Variants in PYY observed in about 807,000 individuals in gnomAD.
The protein encoded by PYY is peptide tyrosine tyrosine.
In PYY, 12 loss-of-function variants were observed where a neutral mutation model predicts 10.3. The ratio of observed to expected loss-of-function variants is 1.17; its 90% CI spans 0.75 to 1.89. The LOEUF (loss-of-function observed/expected upper bound fraction) is 1.89, where lower values mean the gene tolerates loss of function less well. Among genes scored for constraint, PYY ranks in the 40% most tolerant of loss-of-function variants. The pLI is 0.00. For synonymous variants in PYY, 66 were observed against 62.0 expected (o/e 1.06, Z -0.30); for missense variants, 141 against 134.0 (o/e 1.05, Z -0.26).
chr17:43,984,993 CAAAA>C (rs986890651), intron 1 of PYY, among the ~76,000 whole-genome samples: 28 of 151,984 alleles, frequency 1.8e-4, no homozygotes, highest in African/African-American at 6.3e-4. Flanking sequence ...AATATACAAA[CAAAA>C]GAAATATAAA....
intron 1 of PYY, among the ~76,000 whole-genome samples, chr17:43,998,058 C>A (rs995331467): frequency 3.7e-4 from 57 of 152,074 alleles, no homozygotes; most frequent in Non-Finnish European, 6.3e-4. Context: ...CCTGCCTTAG[C>A]CTCCTGAGAA....
chr17:43,990,026 T>C (rs150228561), intron 1 of PYY, among the ~76,000 whole-genome samples: 1 of 151,674 alleles, frequency 6.6e-6, no homozygotes, highest in Non-Finnish European at 1.5e-5. Context: ...TGCCATGTTT[T>C]ACCTGGTAAG....
chr17:43,983,870 G>T (rs1395573795), intron 1 of PYY, among the ~76,000 whole-genome samples: 1 of 152,210 alleles, frequency 6.6e-6, no homozygotes, highest in Non-Finnish European at 1.5e-5. Flanking sequence ...CGCGCGCAGG[G>T]GCCGCGTGTC....
intron 1 of PYY, among the ~76,000 whole-genome samples, chr17:43,981,681 G>A (rs944431392): frequency 6.6e-6 from 1 of 152,036 alleles, no homozygotes; most frequent in Non-Finnish European, 1.5e-5. Flanking sequence ...GTAGAGACGG[G>A]GTTTCACCAT....
intron 1 of PYY, among the ~76,000 whole-genome samples, chr17:43,974,944 G>C (rs1383374951): frequency 1.3e-5 from 2 of 152,128 alleles, no homozygotes; most frequent in Non-Finnish European, 2.9e-5. Flanking sequence ...GTAGGACAAA[G>C]GACAGAGCCC....
At chr17:43,978,297 G>A (rs2048861656) in intron 1 of PYY, among the ~76,000 whole-genome samples, 1 of 136,258 alleles carries the variant, frequency 7.3e-6, no homozygotes, top group Non-Finnish European at 1.6e-5. Flanking sequence ...GAAGGAAGAA[G>A]GATGGAAGGA....
At chr17:43,978,682 G>A (rs2048864485) in intron 1 of PYY, among the ~76,000 whole-genome samples, 1 of 152,134 alleles carries the variant, frequency 6.6e-6, no homozygotes, top group Admixed American at 6.5e-5. Flanking sequence ...GAAAAGCAAG[G>A]AACTTCTCTA....
chr17:43,952,876 T>C lies in PYY; in HGVS notation c.*80A>G. The stretch of plus-strand genomic sequence containing the variant: ...CAGACGCCGCCGTCGGGAGGCAGAA[T>C]CCGGGTTTCTGGGGTCGGGAGTGCG... On this transcript the variant is annotated 3_prime_UTR_variant, in exon 4 of 4. Coordinates refer to ENST00000692052, the MANE Select transcript of PYY (RefSeq NM_001394028.1). 3 of 1,427,252 alleles carry C rather than the reference T, an allele frequency of 2.1e-6. No homozygotes were observed. Among genetic ancestry groups the C allele is most frequent in the Non-Finnish European group, 2.8e-6 (3 of 1,070,542 alleles). The allele number at this position is 1,427,252 out of a possible 1,614,324, so 88.4% of individuals were successfully genotyped here. A position where few individuals can be genotyped will look rare whatever the true frequency, so the allele number is the denominator to read the frequency against.
At chr17:43,982,414 T>G (rs1030668471) in intron 1 of PYY, among the ~76,000 whole-genome samples, 1 of 152,208 alleles carries the variant, frequency 6.6e-6, no homozygotes, top group African/African-American at 2.4e-5. Flanking sequence ...CTCTACTGAT[T>G]GAGGAAGGAC....
chr17:43,969,085 G>A (rs948424026), intron 1 of PYY, among the ~76,000 whole-genome samples: 1 of 152,166 alleles, frequency 6.6e-6, no homozygotes, highest in African/African-American at 2.4e-5. Flanking sequence ...TCCAGTCTGG[G>A]CGATAGGGTG....
intron 1 of PYY, among the ~76,000 whole-genome samples, chr17:43,994,117 G>A (rs932773589): frequency 6.6e-6 from 1 of 151,958 alleles, no homozygotes; most frequent in African/African-American, 2.4e-5. Flanking sequence ...GCCTCCCAAA[G>A]TGCTGGGATT....
At chr17:43,980,156 C>CTTTT (rs569138857) in intron 1 of PYY, among the ~76,000 whole-genome samples, 38 of 100,642 alleles carry the variant, frequency 3.8e-4, no homozygotes, top group Non-Finnish European at 4.4e-4. Context: ...TCCCCTCCAC[C>CTTTT]TTTTTTTTTT....
At chr17:43,993,344 A>T (rs1280458181) in intron 1 of PYY, among the ~76,000 whole-genome samples, 2 of 152,074 alleles carry the variant, frequency 1.3e-5, no homozygotes, top group Non-Finnish European at 2.9e-5. Flanking sequence ...CTGTAGTCCC[A>T]GGTACTCGGG....
chr17:43,973,610 C>T (rs1009764766), intron 1 of PYY, among the ~76,000 whole-genome samples: 1 of 152,272 alleles, frequency 6.6e-6, no homozygotes, highest in Admixed American at 6.5e-5. Context: ...GCCTGGCCAA[C>T]TTGGTGAAAC....
intron 1 of PYY, among the ~76,000 whole-genome samples, chr17:43,976,272 C>T (rs1369731948): frequency 7.2e-6 from 1 of 139,756 alleles, no homozygotes; most frequent in Non-Finnish European, 1.5e-5. Context: ...TATACATGTA[C>T]GTATATATAC....
At chr17:43,962,049 C>T (rs2048715926) in intron 2 of PYY, among the ~76,000 whole-genome samples, 1 of 152,176 alleles carries the variant, frequency 6.6e-6, no homozygotes, top group African/African-American at 2.4e-5. Flanking sequence ...AATTGTTCCC[C>T]AGTACCTATT....
rs932720046 is a variant in PYY at position 43,994,308 on chromosome 17, C to G, written c.-463+10083G>C. Among the ~76,000 whole-genome samples, 5 of 152,154 alleles carry G rather than the reference C, an allele frequency of 3.3e-5. No individual in the cohort carries two copies. In the East Asian group the frequency reaches 9.6e-4, roughly 29 times the overall value. ...AATCAAGGCACTCCCTTCCTCAAAA[C>G]CCTGCAGCGGCTCCCCAGGTCTCCT... On this transcript the variant is annotated intron_variant, in intron 1 of 6. Coordinates refer to the PYY transcript ENST00000360085.
rs550935602 is a variant in PYY, at chr17:43,972,058, A to G, written c.-462-5526T>C. Reference sequence around the variant, plus strand: ...TCGGTTGAAATTCTCTTTTTTGTGTATGAATGTTTATTGTTCAGACACCAT... The same window carrying G: ...TCGGTTGAAATTCTCTTTTTTGTGTGTGAATGTTTATTGTTCAGACACCAT... On this transcript the variant is annotated intron_variant, in intron 1 of 6. Coordinates refer to the PYY transcript ENST00000360085. Among the ~76,000 whole-genome samples the G allele has an allele frequency of 1.6e-4, 24 of 152,016 alleles. No individual in the cohort carries two copies. The South Asian group carries it at 2.5e-3, about 16-fold the overall frequency.
rs778439432 is a variant in PYY at position 43,953,101 on chromosome 17, G to A, written c.269+8C>T. ...GGATGCAGGATGTGTGGTAACGGGCGCTTTTACCGCGACCTGACGGGGCGG... is the reference window on the plus strand; with the variant it reads ...GGATGCAGGATGTGTGGTAACGGGCACTTTTACCGCGACCTGACGGGGCGG... On this transcript the variant is annotated splice_region_variant and intron_variant, in intron 3 of 3. Coordinates refer to ENST00000692052, the MANE Select transcript of PYY (RefSeq NM_001394028.1). The A allele has an allele frequency of 1.2e-6, 2 of 1,613,704 alleles. No homozygotes were observed. The highest frequency in any genetic ancestry group is 8.5e-7 in the Non-Finnish European group (1 of 1,179,758).
Sources: allele counts gnomAD v4.1 joint callset (sites outside exome capture counted in the v4.1 genomes callset), GRCh38; gene constraint gnomAD v4.1.1; transcripts MANE v1.5; gene names NCBI Gene and HGNC (gene_info 2026-07-23, HGNC 2026-07-21).